Variants in ATXN3 observed in about 807,000 individuals in gnomAD.
The protein encoded by ATXN3 is ataxin 3.
In ATXN3, 28 loss-of-function variants were observed where a neutral mutation model predicts 58.2. The ratio of observed to expected loss-of-function variants is 0.48; its 90% CI spans 0.36 to 0.66. The LOEUF is 0.66. Ranked by LOEUF, ATXN3 falls within the 30% of genes least tolerant of loss-of-function variation. The pLI is 0.00. For missense variants in ATXN3, 321 were observed against 422.1 expected (o/e 0.76, Z 2.10); for synonymous variants, 113 against 138.5 (o/e 0.82, Z 1.29).
At position 92,093,441 on chromosome 14, in the gene ATXN3, T is replaced by C. The variant is rs1997918; in HGVS notation, c.321-123A>G. On this transcript the variant is annotated intron_variant, in intron 4 of 10. Coordinates refer to ENST00000644486, the MANE Select transcript of ATXN3 (RefSeq NM_004993.6). Reference sequence around the variant, plus strand: ...TATATTTATAGTTAAGTGTCACTGATGTTTTTAAAAGATCACACAACCATA... The same window carrying C: ...TATATTTATAGTTAAGTGTCACTGACGTTTTTAAAAGATCACACAACCATA... 4.8e-3 allele frequency: 3,147 copies of C among 650,986 alleles called. 74 individuals are homozygous for C. The highest frequency in any genetic ancestry group is 0.034 in the South Asian group (1,605 of 47,032). 40.3% of individuals were successfully genotyped at this position (650,986 alleles called of 1,614,324 possible).
chr14:92,085,825 T>A (rs1356657735), intron 6 of ATXN3, among the ~76,000 whole-genome samples: 1 of 152,236 alleles, frequency 6.6e-6, no homozygotes, highest in African/African-American at 2.4e-5. Context: ...TATTGACACA[T>A]AGATCTTATT....
intron 9 of ATXN3, among the ~76,000 whole-genome samples, chr14:92,074,806 C>T (rs1566931888): frequency 6.6e-6 from 1 of 152,152 alleles, no homozygotes; most frequent in African/African-American, 2.4e-5. Context: ...CATAGCAATC[C>T]ATGTCCATGA....
chr14:92,096,206 CG>C (rs2083072434), intron 2 of ATXN3, 69 bp from the exon 3 acceptor site: 1 of 1,611,658 alleles, frequency 6.2e-7, no homozygotes, highest in African/African-American at 1.3e-5. Context: ...CTGTCATTAG[CG>C]TGCATATTTA....
At chr14:92,084,087 G>A (rs2061946918) in intron 6 of ATXN3, among the ~76,000 whole-genome samples, 2 of 152,058 alleles carry the variant, frequency 1.3e-5, no homozygotes. Flanking sequence ...TGAGGTTTTG[G>A]GACTTGGACT....
chr14:92,080,672 T>C lies in ATXN3; in HGVS notation c.872+293A>G, dbSNP rs749388478. ...GCTCAGCCTCCCAAGCAGCTGGGAC[T>C]ACAGGCGCACGCTTCCATGCCCAGC... On this transcript the variant is annotated intron_variant, in intron 9 of 10. Transcript: ENST00000644486. The C allele has an allele frequency of 4.7e-5, 17 of 363,254 alleles. 1 individual carries two copies. The highest frequency in any genetic ancestry group is 3.4e-4 in the South Asian group (16 of 47,542). 22.5% of individuals were successfully genotyped at this position (363,254 alleles called of 1,614,324 possible).
upstream of ATXN3, among the ~76,000 whole-genome samples, chr14:92,049,983 A>C (rs1277032237): frequency 6.6e-6 from 1 of 152,214 alleles, no homozygotes; most frequent in Non-Finnish European, 1.5e-5. Flanking sequence ...TAGTGCAGAA[A>C]TTAAGTAATT....
intron 9 of ATXN3, among the ~76,000 whole-genome samples, chr14:92,078,983 T>C (rs1468754079): frequency 1.3e-5 from 2 of 151,908 alleles, no homozygotes; most frequent in Admixed American, 6.6e-5. Context: ...GTCAGGAGTT[T>C]AAGGCCAGCC....
At chr14:92,095,332 C>CT (rs1465422360) in intron 3 of ATXN3, among the ~76,000 whole-genome samples, 1 of 152,038 alleles carries the variant, frequency 6.6e-6, no homozygotes. Context: ...CAACCTACGA[C>CT]TCCCTGGTTC....
chr14:92,055,760 A>G (rs1214101207), downstream of ATXN3, among the ~76,000 whole-genome samples: 1 of 152,238 alleles, frequency 6.6e-6, no homozygotes, highest in Non-Finnish European at 1.5e-5. This position sits in a 1 kb window ranked among gnomAD's most constrained non-coding sequence, Gnocchi z 4.5. Flanking sequence ...CAGAAGTTCT[A>G]GACCAGCCTG....
At chr14:92,075,818 T>C (rs1264829708) in intron 9 of ATXN3, among the ~76,000 whole-genome samples, 3 of 152,220 alleles carry the variant, frequency 2.0e-5, no homozygotes, top group African/African-American at 4.8e-5. Flanking sequence ...AGGTTTTGAA[T>C]GCAAGCCATT....
rs1037147776 is a variant in ATXN3 at position 92,060,231 on chromosome 14, T to C, written c.*4089A>G. The C allele has an allele frequency of 1.5e-4, 22 of 142,796 alleles. No homozygotes were observed. The highest frequency in any genetic ancestry group is 3.7e-4 in the African/African-American group (14 of 38,080). The allele number at this position is 142,796 out of a possible 1,614,324, so 8.8% of individuals were successfully genotyped here. ...TTTTTAATAGGAAGTCATATATATATACATATATATATACACACATATATA... is the reference window on the plus strand; with the variant it reads ...TTTTTAATAGGAAGTCATATATATACACATATATATATACACACATATATA... On this transcript the variant is annotated 3_prime_UTR_variant, in exon 11 of 11. Coordinates refer to ENST00000644486, the MANE Select transcript of ATXN3 (RefSeq NM_004993.6).
chr14:92,084,052 G>T (rs8014509), intron 6 of ATXN3, among the ~76,000 whole-genome samples: 43,806 of 152,070 alleles, frequency 0.29, 6,724 homozygotes, highest in East Asian at 0.44. Flanking sequence ...CAGACTGAAG[G>T]CTGCACTGTC....
intron 2 of ATXN3, 59 bp downstream of exon 2, chr14:92,096,615 C>T: frequency 2.0e-6 from 3 of 1,501,532 alleles, no homozygotes; most frequent in Non-Finnish European, 1.8e-6. Flanking sequence ...CAGGGCGAGA[C>T]TCCGTCTCAA....
At chr14:92,078,653 G>A (rs896971865) in intron 9 of ATXN3, among the ~76,000 whole-genome samples, 22 of 152,152 alleles carry the variant, frequency 1.4e-4, no homozygotes, top group African/African-American at 3.1e-4. Flanking sequence ...GTGAGCCACC[G>A]CGCCTGGCCT....
intron 3 of ATXN3, 89 bp from the exon 4 acceptor site, chr14:92,093,920 A>G (rs933849431): frequency 1.7e-5 from 13 of 760,218 alleles, no homozygotes; most frequent in Non-Finnish European, 2.9e-5. Flanking sequence ...TACTTCATAT[A>G]TAAATTTCTC....
intron 1 of ATXN3, among the ~76,000 whole-genome samples, chr14:92,103,963 T>C (rs2067486866): frequency 1.3e-5 from 2 of 152,194 alleles, no homozygotes; most frequent in Admixed American, 6.5e-5. Context: ...CAGAATGGAC[T>C]GTATAGGAGA....
chr14:92,081,465 C>CAAAAAAAAAAAAAAAAAAAAAAA (rs58398762), intron 8 of ATXN3, among the ~76,000 whole-genome samples: 1 of 82,972 alleles, frequency 1.2e-5, no homozygotes, highest in East Asian at 3.0e-4. Flanking sequence ...GACTCTGACT[C>CAAAAAAAAAAAAAAAAAAAAAAA]AAAAAAAAAA....
chr14:92,101,966 A>G (rs1238360287), intron 1 of ATXN3, among the ~76,000 whole-genome samples: 1 of 152,122 alleles, frequency 6.6e-6, no homozygotes. Flanking sequence ...CATCCTGGCC[A>G]ACATGGTGAA....
Position 92,106,032 on chromosome 14 carries a change from G to A in ATXN3, c.24+497C>T, listed in dbSNP as rs375141956. Among the ~76,000 whole-genome samples the A allele has an allele frequency of 1.4e-3, 211 of 152,224 alleles. 7 individuals are homozygous for A. The South Asian group carries it at 0.038, about 27-fold the overall frequency. ...CGGACCTAGTGCAGGGGAAAGACAC[G>A]AACAAGACCCCAAAGATCTACGTGT... On this transcript the variant is annotated intron_variant, in intron 1 of 10. Coordinates refer to ENST00000644486, the MANE Select transcript of ATXN3 (RefSeq NM_004993.6).
Sources: gnomAD v4.1 joint callset for allele counts (sites outside exome capture counted in the v4.1 genomes callset) on GRCh38, gnomAD v4.1.1 for gene constraint, Gnocchi (gnomAD v3.1) non-coding constraint, MANE v1.5 for transcripts, NCBI Gene and HGNC (gene_info 2026-07-23, HGNC 2026-07-21) for gene names.